Variants in TMEM255A observed in about 807,000 individuals in gnomAD.
TMEM255A encodes family with sequence similarity 70, member A.
Under a neutral mutation model 23.5 loss-of-function variants are expected in TMEM255A, and 14 were observed. That is an observed-to-expected ratio of 0.60 (90% CI 0.39 to 0.93). TMEM255A has a LOEUF of 0.93. Ranked by LOEUF, TMEM255A falls within the 40% of genes least tolerant of loss-of-function variation. The pLI is 0.00. For missense variants in TMEM255A, 233 were observed against 261.7 expected, an observed-to-expected ratio of 0.89 and a Z score of 0.76; for synonymous variants, 104 against 100.3, an observed-to-expected ratio of 1.04 and a Z score of -0.22.
chrX:120,281,098 C>G (rs1407799146), intron 6 of TMEM255A, among the ~76,000 whole-genome samples: 1 of 112,331 alleles, frequency 8.9e-6, no homozygotes, highest in Non-Finnish European at 1.9e-5. Context: ...ATGTTACAAT[C>G]AAGGCCAAGG....
downstream of TMEM255A, chrX:120,255,306 A>G (rs782535735): frequency 9.9e-6 from 12 of 1,211,774 alleles, no homozygotes; most frequent in African/African-American, 1.7e-5. Flanking sequence ...AGGGACCACT[A>G]CATCTACTCA....
In TMEM255A at chrX:120,285,663, T is replaced by G. The variant is rs182899604; in HGVS notation, c.424-448A>C. The stretch of plus-strand genomic sequence containing the variant: ...TGGGTAAGGTTCCTCATAACCCTCG[T>G]GGAAGGAGAATTTTTGGTTGAGGAA... On this transcript the variant is annotated intron_variant, in intron 5 of 8. Coordinates refer to ENST00000371369, the MANE Select transcript of TMEM255A (RefSeq NM_001104544.3). The G allele has an allele frequency of 3.9e-4, 471 of 1,209,155 alleles. 3 individuals carry two copies. The East Asian group carries it at 0.011, about 28-fold the overall frequency.
At chrX:120,281,052 G>A (rs2057833487) in intron 6 of TMEM255A, among the ~76,000 whole-genome samples, 1 of 112,135 alleles carries the variant, frequency 8.9e-6, no homozygotes, top group Admixed American at 9.4e-5. Context: ...AATATGTGTT[G>A]GTAGCGTATC....
intron 8 of TMEM255A, among the ~76,000 whole-genome samples, chrX:120,266,938 A>C (rs1693691378): frequency 8.9e-6 from 1 of 112,289 alleles, no homozygotes; most frequent in African/African-American, 3.2e-5. Flanking sequence ...TTTTATCATT[A>C]TATTTTCTAA....
chrX:120,301,432 C>A (rs2058033010), intron 2 of TMEM255A, among the ~76,000 whole-genome samples: 1 of 112,124 alleles, frequency 8.9e-6, no homozygotes, highest in Admixed American at 9.4e-5. Context: ...CAGTTCTATA[C>A]ATTAGTAATT....
intron 7 of TMEM255A, among the ~76,000 whole-genome samples, chrX:120,274,267 C>A (rs2057781491): frequency 9.0e-6 from 1 of 111,545 alleles, no homozygotes; most frequent in African/African-American, 3.3e-5. Flanking sequence ...AGGGAAGGGG[C>A]AACAAGGAGT....
chrX:120,254,979 T>A (rs782439868), downstream of TMEM255A: 1 of 1,212,084 alleles, frequency 8.3e-7, no homozygotes, highest in Non-Finnish European at 1.1e-6. Context: ...GGAGAAGAAG[T>A]ATCCGTGCCG....
chrX:120,301,074 C>T (rs1383431227), intron 2 of TMEM255A, among the ~76,000 whole-genome samples: 1 of 110,865 alleles, frequency 9.0e-6, no homozygotes, highest in African/African-American at 3.3e-5. Context: ...ACTAGCACAT[C>T]TTTACAGAGG....
intron 1 of TMEM255A, chrX:120,310,074 T>G (rs2058089464): frequency 9.0e-6 from 1 of 110,553 alleles, no homozygotes; most frequent in South Asian, 3.9e-4. Flanking sequence ...CCCCCTCCAC[T>G]CGAGATGTTC....
At position 120,260,164 on chromosome X, in the gene TMEM255A, C is replaced by T. The variant is rs2057667556; in HGVS notation, c.*706G>A. On this transcript the variant is annotated 3_prime_UTR_variant, in exon 9 of 9. Coordinates refer to ENST00000371369, the MANE Select transcript of TMEM255A (RefSeq NM_001104544.3). ...TAAGTGATCTACTTAAAACATCTCACATGTTGCTGTGTATTTCAGTGTTTC... is the reference window on the plus strand; with the variant it reads ...TAAGTGATCTACTTAAAACATCTCATATGTTGCTGTGTATTTCAGTGTTTC... 4.0e-6 allele frequency: 3 copies of T among 741,174 alleles called. No homozygotes were observed. The highest frequency in any genetic ancestry group is 4.6e-5 in the African/African-American group (2 of 43,673). 61.1% of individuals were successfully genotyped at this position (741,174 alleles called of 1,213,427 possible). A position where few individuals can be genotyped will look rare whatever the true frequency, so the allele number is the denominator to read the frequency against.
chrX:120,292,855 C>T (rs2057926256), intron 3 of TMEM255A, among the ~76,000 whole-genome samples: 5 of 111,496 alleles, frequency 4.5e-5, no homozygotes, highest in Admixed American at 3.8e-4. Context: ...GAAACCTCTC[C>T]CCATAATTCT....
intron 2 of TMEM255A, among the ~76,000 whole-genome samples, chrX:120,300,310 C>T (rs1305426524): frequency 2.7e-5 from 3 of 111,739 alleles, no homozygotes; most frequent in South Asian, 7.4e-4. Context: ...AAATAAAATG[C>T]CTTGAATATT....
rs192880564 is a variant in TMEM255A at position 120,290,700 on chromosome X, G to A, written c.354+551C>T. On this transcript the variant is annotated intron_variant, in intron 4 of 8. Coordinates refer to ENST00000371369, the MANE Select transcript of TMEM255A (RefSeq NM_001104544.3). The stretch of plus-strand genomic sequence containing the variant: ...GATCTCAGCTAAAATCAGAAGGGAT[G>A]GATCTGGTAGAGGGGCCTACATTTA... Among the ~76,000 whole-genome samples, 4 of 112,066 alleles carry A rather than the reference G, an allele frequency of 3.6e-5. No homozygotes were observed. In the East Asian group the frequency reaches 1.1e-3, roughly 31 times the overall value.
intron 3 of TMEM255A, among the ~76,000 whole-genome samples, chrX:120,292,019 A>AT (rs1419876808): frequency 9.0e-5 from 10 of 111,218 alleles, no homozygotes; most frequent in Non-Finnish European, 1.5e-4. Flanking sequence ...AAATTTTTAA[A>AT]TTTTTTTAGA....
chrX:120,255,297 G>A (rs1194422478), downstream of TMEM255A: 54 of 1,209,858 alleles, frequency 4.5e-5, no homozygotes, highest in Non-Finnish European at 5.9e-5. Context: ...ACCTCCAGTA[G>A]GGACCACTAC....
chrX:120,296,446 TGC>T (rs1556024091), intron 2 of TMEM255A, among the ~76,000 whole-genome samples: 1 of 103,393 alleles, frequency 9.7e-6, no homozygotes, highest in East Asian at 3.0e-4. Flanking sequence ...TCCACTCCAA[TGC>T]ATTCAGTTTT....
In TMEM255A at chrX:120,260,774, A is replaced by G. The variant is rs113584946; in HGVS notation, c.*96T>C. ...GGCAGGCCATTGTAAAACTTTATGC[A>G]TAAGAGTCACACTTTAAATTTTGTA... On this transcript the variant is annotated 3_prime_UTR_variant, in exon 9 of 9. Coordinates refer to ENST00000371369, the MANE Select transcript of TMEM255A (RefSeq NM_001104544.3). 5.9e-4 allele frequency: 650 copies of G among 1,097,494 alleles called. 3 individuals carry two copies. In the African/African-American group the frequency reaches 7.7e-3, roughly 13 times the overall value. 90.4% of individuals were successfully genotyped at this position (1,097,494 alleles called of 1,213,427 possible).
At chrX:120,301,439 A>G (rs2058033091) in intron 2 of TMEM255A, among the ~76,000 whole-genome samples, 1 of 112,123 alleles carries the variant, frequency 8.9e-6, no homozygotes, top group Non-Finnish European at 1.9e-5. Flanking sequence ...ATACATTAGT[A>G]ATTTATATTT....
chrX:120,268,564 C>T (rs2057732801), intron 7 of TMEM255A, among the ~76,000 whole-genome samples, 177 bp from the exon 8 acceptor site: 2 of 111,605 alleles, frequency 1.8e-5, no homozygotes, highest in African/African-American at 6.5e-5. Context: ...CATTATGTTA[C>T]ATTAATATAA....
Sources: gnomAD v4.1 joint callset for allele counts (sites outside exome capture counted in the v4.1 genomes callset) on GRCh38, gnomAD v4.1.1 for gene constraint, MANE v1.5 for transcripts, NCBI Gene and HGNC (gene_info 2026-07-23, HGNC 2026-07-21) for gene names.